The following MIPOL1 variants were observed in gnomAD, a reference collection of about 807,000 sequenced individuals.
MIPOL1 encodes mirror-image polydactyly 1.
Under a neutral mutation model 60.9 loss-of-function variants are expected in MIPOL1, and 57 were observed. That is an observed-to-expected ratio of 0.94 (90% CI 0.76 to 1.17). MIPOL1 has a LOEUF of 1.17. Among genes scored for constraint, MIPOL1 ranks in the 50% most tolerant of loss-of-function variants. The pLI, the probability that MIPOL1 is intolerant of heterozygous loss-of-function variation, is 0.00. For synonymous variants in MIPOL1, 179 were observed against 168.8 expected, an observed-to-expected ratio of 1.06 and a Z score of -0.47; for missense variants, 551 against 511.6, an observed-to-expected ratio of 1.08 and a Z score of -0.74.
At chr14:37,224,814 C>T (rs555725510) in intron 1 of MIPOL1, among the ~76,000 whole-genome samples, 6 of 152,326 alleles carry the variant, frequency 3.9e-5, no homozygotes, top group Admixed American at 2.0e-4. Flanking sequence ...CAAATGTCCA[C>T]AGTCCAAAGC....
chr14:37,418,259 G>A (rs756846785), intron 10 of MIPOL1, among the ~76,000 whole-genome samples: 14 of 152,134 alleles, frequency 9.2e-5, no homozygotes, highest in Admixed American at 3.9e-4. Context: ...GTTAAGAATA[G>A]CGCTTAGTGA....
intron 10 of MIPOL1, among the ~76,000 whole-genome samples, chr14:37,418,615 A>G (rs1011221002): frequency 2.6e-5 from 4 of 152,132 alleles, no homozygotes; most frequent in African/African-American, 9.7e-5. Flanking sequence ...TGTATTTTGG[A>G]ACAAATGGGT....
intron 9 of MIPOL1, among the ~76,000 whole-genome samples, chr14:37,351,799 G>C (rs28837474): frequency 0.96 from 107,973 of 112,814 alleles, 51,703 homozygotes; most frequent in East Asian, 0.99. Context: ...ATTGTAGATT[G>C]TGGATATTAG....
chr14:37,500,544 T>C (rs182861618), intron 12 of MIPOL1, among the ~76,000 whole-genome samples: 1 of 152,328 alleles, frequency 6.6e-6, no homozygotes, highest in Admixed American at 6.5e-5. Flanking sequence ...CTGAGACTTG[T>C]AGGTGCATAA....
intron 11 of MIPOL1, among the ~76,000 whole-genome samples, chr14:37,439,504 CAAAAG>C (rs2094210295): frequency 6.6e-6 from 1 of 152,078 alleles, no homozygotes; most frequent in South Asian, 2.1e-4. Flanking sequence ...AACTTATACT[CAAAAG>C]AAATACTTCA....
intron 1 of MIPOL1, among the ~76,000 whole-genome samples, chr14:37,222,373 T>C (rs1968947506): frequency 6.7e-6 from 1 of 148,810 alleles, no homozygotes; most frequent in Non-Finnish European, 1.5e-5. Flanking sequence ...CAGGCATGCA[T>C]CAACACACCT....
At chr14:37,331,460 G>A (rs2089674335) in intron 9 of MIPOL1, among the ~76,000 whole-genome samples, 1 of 151,390 alleles carries the variant, frequency 6.6e-6, no homozygotes. Flanking sequence ...GTGTTTTATA[G>A]TGTTCATTGT....
intron 1 of MIPOL1, among the ~76,000 whole-genome samples, chr14:37,225,617 CT>C (rs1969583966): frequency 6.6e-6 from 1 of 152,056 alleles, no homozygotes; most frequent in Admixed American, 6.6e-5. Context: ...GGCTGACCCA[CT>C]TTTTCCTCAT....
chr14:37,219,264 A>T (rs1968335268), intron 1 of MIPOL1, among the ~76,000 whole-genome samples: 1 of 152,246 alleles, frequency 6.6e-6, no homozygotes, highest in Admixed American at 6.5e-5. Flanking sequence ...AAACTGGATG[A>T]TGCAGAGACA....
At chr14:37,295,330 G>A (rs1000286822) in intron 7 of MIPOL1, among the ~76,000 whole-genome samples, 1 of 152,170 alleles carries the variant, frequency 6.6e-6, no homozygotes, top group Non-Finnish European at 1.5e-5. Context: ...GGAACAACCG[G>A]TACCAGCCAC....
chr14:37,332,136 C>CA (rs560503993), intron 9 of MIPOL1, among the ~76,000 whole-genome samples: 107 of 142,386 alleles, frequency 7.5e-4, no homozygotes, highest in South Asian at 2.0e-3. Flanking sequence ...AGACTCCTCT[C>CA]AAAAAAAAAA....
chr14:37,440,751 T>G (rs150398835), intron 11 of MIPOL1, among the ~76,000 whole-genome samples: 251 of 152,260 alleles, frequency 1.6e-3, no homozygotes, highest in Non-Finnish European at 2.6e-3. Context: ...TGCAATGTAA[T>G]GATTTCTTTT....
At chr14:37,488,883 T>A (rs913025455) in intron 11 of MIPOL1, among the ~76,000 whole-genome samples, 4 of 152,206 alleles carry the variant, frequency 2.6e-5, no homozygotes, top group Non-Finnish European at 4.4e-5. Context: ...TTTTCCTTCA[T>A]TTCAACCCTG....
rs1594951602 is a variant in MIPOL1, at chr14:37,549,033, A to G, written c.*2062A>G. 6.6e-6 allele frequency: 1 copy of G among 151,954 alleles called. No individual in the cohort carries two copies. Among genetic ancestry groups the G allele is most frequent in the East Asian group, 1.9e-4 (1 of 5,190 alleles). 9.4% of individuals were successfully genotyped at this position (151,954 alleles called of 1,614,324 possible). A position where few individuals can be genotyped will look rare whatever the true frequency, so the allele number is the denominator to read the frequency against. On this transcript the variant is annotated 3_prime_UTR_variant, in exon 13 of 13. Transcript: ENST00000684589. ...CAAATGCAAAGTATTACAGCCAAAT[A>G]TTATCTTAATTAATTTCTTACACTT...
intron 10 of MIPOL1, among the ~76,000 whole-genome samples, chr14:37,394,925 T>C (rs2093342031): frequency 6.6e-6 from 1 of 152,220 alleles, no homozygotes. Context: ...TTAATCCATA[T>C]TTAGTTGATT....
chr14:37,389,691 T>C (rs886619579), intron 10 of MIPOL1, among the ~76,000 whole-genome samples: 2 of 149,732 alleles, frequency 1.3e-5, no homozygotes, highest in Non-Finnish European at 3.0e-5. Context: ...ATGTGTTGAT[T>C]ATCTGCAGGC....
chr14:37,521,908 A>AT (rs199544079), intron 12 of MIPOL1, among the ~76,000 whole-genome samples: 2,628 of 20,594 alleles, frequency 0.13, 25 homozygotes, highest in South Asian at 0.28. Flanking sequence ...ATATATATAT[A>AT]TATTTTTTTT....
intron 9 of MIPOL1, among the ~76,000 whole-genome samples, chr14:37,367,317 T>C (rs908250321): frequency 1.3e-5 from 2 of 152,036 alleles, no homozygotes; most frequent in East Asian, 1.9e-4. Flanking sequence ...AGAAATAATA[T>C]AGGATTACAT....
At chr14:37,408,492 T>C (rs1315352486) in intron 10 of MIPOL1, among the ~76,000 whole-genome samples, 1 of 152,020 alleles carries the variant, frequency 6.6e-6, no homozygotes, top group African/African-American at 2.4e-5. Flanking sequence ...TAGTTGGGTG[T>C]GGTGGCATGT....
Sources: gnomAD v4.1 joint callset for allele counts (sites outside exome capture counted in the v4.1 genomes callset) on GRCh38, gnomAD v4.1.1 for gene constraint, MANE v1.5 for transcripts, NCBI Gene and HGNC (gene_info 2026-07-23, HGNC 2026-07-21) for gene names.